Variants in TSPAN5 observed in about 807,000 individuals in gnomAD.
The protein encoded by TSPAN5 is tetraspanin-5.
A neutral mutation model predicts 37.1 loss-of-function variants in TSPAN5; 10 were observed. The observed-to-expected ratio is 0.27, with a 90% CI of 0.17 to 0.46. TSPAN5 has a LOEUF of 0.46. TSPAN5 is among the 20% of genes least tolerant of loss of function. The pLI is 1.00. For missense variants in TSPAN5, 195 were observed against 326.6 expected, an observed-to-expected ratio of 0.60 and a Z score of 3.11; for synonymous variants, 110 against 118.9, an observed-to-expected ratio of 0.93 and a Z score of 0.48.
chr4:98,646,928 C>A (rs988005313), intron 1 of TSPAN5, among the ~76,000 whole-genome samples: 1 of 152,166 alleles, frequency 6.6e-6, no homozygotes, highest in African/African-American at 2.4e-5. Flanking sequence ...TAGACGTTAT[C>A]TTAATACTAC....
intron 1 of TSPAN5, among the ~76,000 whole-genome samples, chr4:98,578,802 C>G (rs1230879813): frequency 6.6e-6 from 1 of 152,114 alleles, no homozygotes; most frequent in African/African-American, 2.4e-5. Context: ...ACTTTTCCTC[C>G]AGATCCAAAG....
chr4:98,638,188 C>A (rs903757514), intron 1 of TSPAN5, among the ~76,000 whole-genome samples: 6 of 152,172 alleles, frequency 3.9e-5, no homozygotes, highest in African/African-American at 1.4e-4. Flanking sequence ...TAACACTGGA[C>A]CCTGTTGCTC....
intron 1 of TSPAN5, among the ~76,000 whole-genome samples, chr4:98,633,301 C>A (rs1756787832): frequency 1.3e-5 from 2 of 152,198 alleles, no homozygotes; most frequent in Non-Finnish European, 2.9e-5. Context: ...TACGCTACAA[C>A]AGTTTTCCCT....
intron 1 of TSPAN5, among the ~76,000 whole-genome samples, chr4:98,609,308 C>G (rs1441927031): frequency 6.6e-6 from 1 of 152,042 alleles, no homozygotes; most frequent in Non-Finnish European, 1.5e-5. Flanking sequence ...TTTAAAGCTC[C>G]TGCGTTACTC....
intron 1 of TSPAN5, among the ~76,000 whole-genome samples, chr4:98,589,147 T>C (rs2110205078): frequency 6.6e-6 from 1 of 152,282 alleles, no homozygotes; most frequent in African/African-American, 2.4e-5. Flanking sequence ...AAGTTCACCC[T>C]AGATTAGTAC....
chr4:98,529,373 T>A (rs1754030231), intron 1 of TSPAN5, among the ~76,000 whole-genome samples: 1 of 152,242 alleles, frequency 6.6e-6, no homozygotes, highest in Non-Finnish European at 1.5e-5. Flanking sequence ...TTACAACTGC[T>A]TCTACAGGGT....
chr4:98,558,808 T>G (rs1051006456), intron 1 of TSPAN5, among the ~76,000 whole-genome samples: 69 of 152,044 alleles, frequency 4.5e-4, no homozygotes, highest in African/African-American at 1.6e-3. Context: ...TAGGCCAGAG[T>G]CTAACTGAGG....
At chr4:98,547,190 G>T (rs1362545133) in intron 1 of TSPAN5, among the ~76,000 whole-genome samples, 4 of 152,176 alleles carry the variant, frequency 2.6e-5, no homozygotes, top group Non-Finnish European at 4.4e-5. Flanking sequence ...CATCCCACGC[G>T]GTGCTCCCAC....
chr4:98,547,461 T>C (rs1476644726), intron 1 of TSPAN5, among the ~76,000 whole-genome samples: 1 of 152,190 alleles, frequency 6.6e-6, no homozygotes, highest in Non-Finnish European at 1.5e-5. Context: ...TAATATATTT[T>C]GTTTGAACCC....
intron 1 of TSPAN5, among the ~76,000 whole-genome samples, chr4:98,577,604 A>G (rs1755268894): frequency 6.6e-6 from 1 of 152,208 alleles, no homozygotes; most frequent in South Asian, 2.1e-4. Flanking sequence ...CACATTTGAC[A>G]AAAGTGTCAG....
chr4:98,540,127 T>C (rs1228796793), intron 1 of TSPAN5, among the ~76,000 whole-genome samples: 2 of 152,192 alleles, frequency 1.3e-5, no homozygotes, highest in African/African-American at 4.8e-5. Context: ...GAGATAAAAG[T>C]TTGTTTTAAG....
At chr4:98,608,577 C>A (rs1404473268) in intron 1 of TSPAN5, among the ~76,000 whole-genome samples, 2 of 152,132 alleles carry the variant, frequency 1.3e-5, no homozygotes, top group Non-Finnish European at 2.9e-5. Context: ...AAGAACGAGG[C>A]CCAGGTCACC....
intron 1 of TSPAN5, among the ~76,000 whole-genome samples, chr4:98,570,932 T>C (rs529678330): frequency 1.3e-5 from 2 of 151,098 alleles, no homozygotes; most frequent in Non-Finnish European, 2.9e-5. Flanking sequence ...CCTCTCAGGG[T>C]GCCTGAGAGG....
chr4:98,576,900 C>T (rs1190041593), intron 1 of TSPAN5, among the ~76,000 whole-genome samples: 2 of 152,140 alleles, frequency 1.3e-5, no homozygotes, highest in Admixed American at 6.5e-5. Context: ...GCTGGGACTA[C>T]AGGTACCCGC....
At chr4:98,550,877 C>T (rs1023198686) in intron 1 of TSPAN5, among the ~76,000 whole-genome samples, 3 of 152,134 alleles carry the variant, frequency 2.0e-5, no homozygotes, top group African/African-American at 7.2e-5. Context: ...ATTATTCTCT[C>T]TTGCCTGATT....
At chr4:98,563,416 T>G (rs1196758627) in intron 1 of TSPAN5, among the ~76,000 whole-genome samples, 1 of 152,218 alleles carries the variant, frequency 6.6e-6, no homozygotes. Context: ...ATTGTGTTAA[T>G]ACAGGAAATA....
At chr4:98,516,451 G>A (rs112360800) in intron 1 of TSPAN5, among the ~76,000 whole-genome samples, 4 of 152,154 alleles carry the variant, frequency 2.6e-5, no homozygotes, top group Admixed American at 1.3e-4. Flanking sequence ...TTCTTATCCC[G>A]GGACCTGTGG....
chr4:98,487,432 C>T (rs1344720264), intron 2 of TSPAN5, among the ~76,000 whole-genome samples: 2 of 152,154 alleles, frequency 1.3e-5, no homozygotes, highest in African/African-American at 4.8e-5. Context: ...AGGTCATCTT[C>T]TGTAAGACCC....
At chr4:98,533,042 C>T (rs1164412698) in intron 1 of TSPAN5, among the ~76,000 whole-genome samples, 6 of 152,200 alleles carry the variant, frequency 3.9e-5, no homozygotes, top group Non-Finnish European at 8.8e-5. Flanking sequence ...ATGAAGCTGA[C>T]TTCATCGTGG....
Sources: allele counts gnomAD v4.1 joint callset (sites outside exome capture counted in the v4.1 genomes callset), GRCh38; gene constraint gnomAD v4.1.1; transcripts MANE v1.5; gene names NCBI Gene and HGNC (gene_info 2026-07-23, HGNC 2026-07-21).